DMRT1: variants seen among roughly 807,000 people sequenced by gnomAD.
DMRT1 encodes the protein doublesex- and mab-3-related transcription factor 1.
A neutral mutation model predicts 32.3 loss-of-function variants in DMRT1; 7 were observed. That is an observed-to-expected ratio of 0.22 (90% confidence interval 0.12 to 0.41). The LOEUF is 0.41. Among genes scored for constraint, DMRT1 ranks in the 10% least tolerant of loss-of-function variants. The probability of loss-of-function intolerance (pLI) is 1.00; values close to 1 mark genes in which losing one functional copy is unlikely to be tolerated. For synonymous variants in DMRT1, 278 were observed against 206.1 expected (o/e 1.35, Z -2.99); for missense variants, 625 against 500.5 (o/e 1.25, Z -2.37).
At chr9:932,224 C>G (rs979484740) in intron 4 of DMRT1, among the ~76,000 whole-genome samples, 2 of 152,212 alleles carry the variant, frequency 1.3e-5, no homozygotes, top group African/African-American at 2.4e-5. Context: ...TCCATGCCAT[C>G]TTTGCCTTTT....
At chr9:885,157 C>G (rs1816877912) in intron 2 of DMRT1, among the ~76,000 whole-genome samples, 1 of 152,170 alleles carries the variant, frequency 6.6e-6, no homozygotes, top group Non-Finnish European at 1.5e-5. Flanking sequence ...GGCTCCGACC[C>G]CATGGCAGTG....
At chr9:903,650 G>A (rs1165181196) in intron 3 of DMRT1, among the ~76,000 whole-genome samples, 1 of 152,192 alleles carries the variant, frequency 6.6e-6, no homozygotes, top group African/African-American at 2.4e-5. Flanking sequence ...GAGAGGTTGG[G>A]TTTAGGAATA....
At chr9:847,388 T>C (rs1045429108) in intron 2 of DMRT1, among the ~76,000 whole-genome samples, 2 of 152,208 alleles carry the variant, frequency 1.3e-5, no homozygotes, top group Non-Finnish European at 2.9e-5. Context: ...GGACAGAGAA[T>C]GATGTTAGAG....
At chr9:864,278 C>G (rs137945567) in intron 2 of DMRT1, among the ~76,000 whole-genome samples, 1,856 of 149,102 alleles carry the variant, frequency 0.012, 26 homozygotes, top group Middle Eastern at 0.031. Context: ...GATCTCGGCT[C>G]ACTGCAGCCT....
intron 4 of DMRT1, among the ~76,000 whole-genome samples, chr9:951,283 G>C (rs927163267): frequency 5.9e-5 from 9 of 151,630 alleles, no homozygotes; most frequent in Non-Finnish European, 1.2e-4. Context: ...GGAAGGCAGA[G>C]TTAAAGAAAA....
At chr9:934,077 T>G (rs1427070022) in intron 4 of DMRT1, among the ~76,000 whole-genome samples, 1 of 152,068 alleles carries the variant, frequency 6.6e-6, no homozygotes, top group Admixed American at 6.5e-5. Flanking sequence ...TTGGTTGATC[T>G]CAGTCCAAGA....
chr9:907,839 G>GTGTGTGTA (rs964542963), intron 3 of DMRT1, among the ~76,000 whole-genome samples: 2 of 151,558 alleles, frequency 1.3e-5, no homozygotes, highest in African/African-American at 4.8e-5. Context: ...ATGTGTGTGT[G>GTGTGTGTA]TGTGTGTGTG....
chr9:878,340 T>C (rs905507419), intron 2 of DMRT1, among the ~76,000 whole-genome samples: 4 of 152,040 alleles, frequency 2.6e-5, no homozygotes, highest in African/African-American at 9.7e-5. Context: ...AATGGTGCAC[T>C]CTACTCCACT....
chr9:932,216 C>T (rs751071767), intron 4 of DMRT1, among the ~76,000 whole-genome samples: 4 of 152,120 alleles, frequency 2.6e-5, no homozygotes, highest in Non-Finnish European at 5.9e-5. Context: ...ATTTCTAATC[C>T]ATGCCATCTT....
At chr9:916,225 A>G (rs1423514987) in intron 3 of DMRT1, among the ~76,000 whole-genome samples, 2 of 152,196 alleles carry the variant, frequency 1.3e-5, no homozygotes, top group Non-Finnish European at 2.9e-5. Context: ...TTAATCGAGC[A>G]CCAAATGAAC....
chr9:921,095 T>G (rs770353855), intron 4 of DMRT1, among the ~76,000 whole-genome samples: 7 of 152,102 alleles, frequency 4.6e-5, no homozygotes, highest in Non-Finnish European at 1.0e-4. Flanking sequence ...ATTCACAGAG[T>G]TGGGCAACCG....
chr9:861,733 C>T (rs1460039060), intron 2 of DMRT1, among the ~76,000 whole-genome samples: 3 of 149,534 alleles, frequency 2.0e-5, no homozygotes, highest in Non-Finnish European at 4.4e-5. Context: ...GCAGGGGCTG[C>T]CCCCCACCTC....
intron 1 of DMRT1, among the ~76,000 whole-genome samples, 166 bp from the exon 2 acceptor site, chr9:846,794 C>G (rs1041682515): frequency 6.6e-6 from 1 of 152,184 alleles, no homozygotes; most frequent in Non-Finnish European, 1.5e-5. Context: ...TGTTTCTCAG[C>G]TTTGCACATC....
intron 2 of DMRT1, among the ~76,000 whole-genome samples, chr9:892,613 G>T (rs539934025): frequency 6.6e-6 from 1 of 152,216 alleles, no homozygotes; most frequent in Non-Finnish European, 1.5e-5. Flanking sequence ...TGGTTCCCTA[G>T]CAGGTCTTTC....
intron 3 of DMRT1, among the ~76,000 whole-genome samples, chr9:908,188 C>CA (rs1258699100): frequency 6.6e-6 from 1 of 152,098 alleles, no homozygotes; most frequent in Non-Finnish European, 1.5e-5. Context: ...CATGGTGGCT[C>CA]ATGCCTGTAA....
At chr9:949,091 T>C (rs1819344490) in intron 4 of DMRT1, among the ~76,000 whole-genome samples, 1 of 151,782 alleles carries the variant, frequency 6.6e-6, no homozygotes, top group South Asian at 2.1e-4. Context: ...AGACTCCATC[T>C]TAAAAAACAA....
chr9:944,163 T>A (rs1360531121), intron 4 of DMRT1, among the ~76,000 whole-genome samples: 1 of 152,240 alleles, frequency 6.6e-6, no homozygotes. Context: ...ATAGTGTTTC[T>A]AAAGGGCTTA....
chr9:876,728 G>A (rs1589487404), intron 2 of DMRT1, among the ~76,000 whole-genome samples: 1 of 152,020 alleles, frequency 6.6e-6, no homozygotes, highest in Non-Finnish European at 1.5e-5. Flanking sequence ...ATGGGGTCTC[G>A]CCATGTTGCT....
At chr9:861,345 G>A (rs1165070203) in intron 2 of DMRT1, among the ~76,000 whole-genome samples, 1 of 152,138 alleles carries the variant, frequency 6.6e-6, no homozygotes, top group Non-Finnish European at 1.5e-5. Flanking sequence ...TTAACCCTTA[G>A]TGGACACAGC....
Sources: gnomAD v4.1 joint callset for allele counts (sites outside exome capture counted in the v4.1 genomes callset) on GRCh38, gnomAD v4.1.1 for gene constraint, MANE v1.5 for transcripts, NCBI Gene and HGNC (gene_info 2026-07-23, HGNC 2026-07-21) for gene names.